The following KIAA1217 variants were observed in gnomAD, a reference collection of about 807,000 sequenced individuals.
The protein encoded by KIAA1217 is KIAA1217, also known as sickle tail protein homolog.
A neutral mutation model predicts 163.9 loss-of-function variants in KIAA1217; 88 were observed. The observed-to-expected ratio is 0.54, with a 90% confidence interval of 0.45 to 0.64. The LOEUF (loss-of-function observed/expected upper bound fraction) is 0.64, where lower values mean the gene tolerates loss of function less well. KIAA1217 is among the 30% of genes least tolerant of loss of function. KIAA1217 has a pLI of 0.00. For synonymous variants in KIAA1217, 903 were observed against 923.1 expected, an observed-to-expected ratio of 0.98 and a Z score of 0.39; for missense variants, 2,372 against 2,475.0, an observed-to-expected ratio of 0.96 and a Z score of 0.88.
intron 1 of KIAA1217, among the ~76,000 whole-genome samples, chr10:23,951,518 T>G (rs1844335580): frequency 6.6e-6 from 1 of 152,016 alleles, no homozygotes; most frequent in South Asian, 2.1e-4. Flanking sequence ...GCCAGCATGG[T>G]GGTGCACACC....
At position 24,475,841 on chromosome 10, in the gene KIAA1217, A is replaced by T. The variant is rs373144099; in HGVS notation, c.1679+1781A>T. Reference sequence around the variant, plus strand: ...CTGTGTTGCATACTTCACAGAAAGGATAACACACCTGTCCCCTTTGGCAGG... The same window carrying T: ...CTGTGTTGCATACTTCACAGAAAGGTTAACACACCTGTCCCCTTTGGCAGG... On this transcript the variant is annotated intron_variant, in intron 6 of 20. Coordinates refer to ENST00000376454, the MANE Select transcript of KIAA1217 (RefSeq NM_019590.5). Among the ~76,000 whole-genome samples, 27 of 152,334 alleles carry T rather than the reference A, an allele frequency of 1.8e-4. No homozygotes were observed. In the East Asian group the frequency reaches 4.4e-3, roughly 25 times the overall value.
rs981098500 is a variant in KIAA1217 at position 24,039,511 on chromosome 10, C to G, written c.-171+32137C>G. Among the ~76,000 whole-genome samples the G allele has an allele frequency of 2.0e-4, 30 of 152,208 alleles. 1 individual carries two copies. In the East Asian group the frequency reaches 3.3e-3, roughly 17 times the overall value. On this transcript the variant is annotated intron_variant, in intron 2 of 18. Transcript: ENST00000376462. ...ATTGAGAGGGTAAATGACAGATACT[C>G]TATAGTGTTTTGTGTGGCCAGACGG...
chr10:24,170,471 A>G (rs2131912109), intron 2 of KIAA1217, among the ~76,000 whole-genome samples: 1 of 152,300 alleles, frequency 6.6e-6, no homozygotes, highest in South Asian at 2.1e-4. Flanking sequence ...GCTGTGAAAT[A>G]TTGAGTCAGT....
chr10:23,911,667 A>G (rs935067365), intron 1 of KIAA1217, among the ~76,000 whole-genome samples: 1 of 152,188 alleles, frequency 6.6e-6, no homozygotes, highest in African/African-American at 2.4e-5. Context: ...GACTGGCATC[A>G]CCCAGTGGTT....
chr10:24,502,310 A>G (rs190085937), intron 9 of KIAA1217, among the ~76,000 whole-genome samples: 304 of 150,036 alleles, frequency 2.0e-3, no homozygotes, highest in Non-Finnish European at 2.2e-3. Context: ...TGAGTTTAGA[A>G]TAGAAGATGA....
At chr10:23,816,589 G>A (rs933641875) in intron 1 of KIAA1217, among the ~76,000 whole-genome samples, 1 of 152,160 alleles carries the variant, frequency 6.6e-6, no homozygotes, top group Non-Finnish European at 1.5e-5. Context: ...ATCACTTGAG[G>A]TCAGGAGTTC....
intron 1 of KIAA1217, among the ~76,000 whole-genome samples, chr10:23,987,508 T>C (rs1846031756): frequency 1.3e-5 from 2 of 152,202 alleles, no homozygotes; most frequent in Middle Eastern, 3.4e-3. Context: ...TTGACAAAAC[T>C]TATACATATT....
chr10:24,056,780 C>A (rs913566216), intron 2 of KIAA1217, among the ~76,000 whole-genome samples: 5 of 151,872 alleles, frequency 3.3e-5, no homozygotes, highest in African/African-American at 1.2e-4. Context: ...CATAAACTCC[C>A]AATATTAGAA....
At chr10:23,907,051 A>G (rs192062985) in intron 1 of KIAA1217, among the ~76,000 whole-genome samples, 1 of 152,180 alleles carries the variant, frequency 6.6e-6, no homozygotes, top group East Asian at 1.9e-4. Context: ...GCGTACAGTC[A>G]TTTATGGATT....
intron 5 of KIAA1217, among the ~76,000 whole-genome samples, chr10:24,455,607 C>A (rs1343114605): frequency 1.3e-5 from 2 of 152,186 alleles, no homozygotes; most frequent in African/African-American, 4.8e-5. Flanking sequence ...TCGGCTTCCT[C>A]TTCAGCAGCC....
chr10:23,862,392 A>G (rs1422304537), intron 1 of KIAA1217, among the ~76,000 whole-genome samples: 1 of 152,186 alleles, frequency 6.6e-6, no homozygotes, highest in African/African-American at 2.4e-5. Flanking sequence ...AGAGGGATCA[A>G]TGAAAGTTGT....
chr10:23,767,272 A>G lies in KIAA1217; in HGVS notation c.-321+72038A>G, dbSNP rs78916511. 3.3e-5 allele frequency among the ~76,000 whole-genome samples: 5 copies of G among 152,300 alleles called. No homozygotes were observed. In the East Asian group the frequency reaches 7.7e-4, roughly 24 times the overall value. On this transcript the variant is annotated intron_variant, in intron 1 of 18. Transcript: ENST00000376462. ...GGCTTTGCTCTGAAAGCTCTGGGGT[A>G]ACAGAAGGATTTCTCAAAGGAGAAT...
intron 1 of KIAA1217, among the ~76,000 whole-genome samples, chr10:23,897,117 A>T (rs1162678492): frequency 1.3e-5 from 2 of 152,070 alleles, no homozygotes; most frequent in Non-Finnish European, 2.9e-5. Context: ...GTTTATCAAG[A>T]TATATTTTAA....
intron 2 of KIAA1217, among the ~76,000 whole-genome samples, chr10:24,363,865 C>T (rs1358199201): frequency 2.0e-5 from 3 of 152,104 alleles, no homozygotes; most frequent in Non-Finnish European, 4.4e-5. Flanking sequence ...GGCCACCGCA[C>T]CAGGCCCATT....
chr10:24,334,757 A>G (rs879506859), intron 2 of KIAA1217, among the ~76,000 whole-genome samples: 9 of 152,208 alleles, frequency 5.9e-5, no homozygotes, highest in African/African-American at 1.7e-4. Flanking sequence ...TGCAAAATGA[A>G]TGATGGATGT....
chr10:23,919,570 C>G (rs1291947565), intron 1 of KIAA1217, among the ~76,000 whole-genome samples: 2 of 141,588 alleles, frequency 1.4e-5, no homozygotes, highest in East Asian at 2.1e-4. Flanking sequence ...TGTGCCACTG[C>G]ACTCCAGCCT....
At position 24,144,044 on chromosome 10, in the gene KIAA1217, A is replaced by G. The variant is rs542369117; in HGVS notation, c.-170-75582A>G. Among the ~76,000 whole-genome samples, 8 of 152,324 alleles carry G rather than the reference A, an allele frequency of 5.3e-5. No homozygotes were observed. In the South Asian group the frequency reaches 1.7e-3, roughly 32 times the overall value. On this transcript the variant is annotated intron_variant, in intron 2 of 18. Coordinates refer to the KIAA1217 transcript ENST00000376462. ...ATCTGCAGTATTAGACTGGACTTAA[A>G]TCTACAGAATCTAGATAGAAAAGTG...
chr10:24,417,302 G>A lies in KIAA1217; in HGVS notation c.554-15693G>A, dbSNP rs60950725. 9.6e-3 allele frequency among the ~76,000 whole-genome samples: 1,465 copies of A among 152,248 alleles called. 26 individuals are homozygous for A. Among genetic ancestry groups the A allele is most frequent in the African/African-American group, 0.034 (1,406 of 41,528 alleles). On this transcript the variant is annotated intron_variant, in intron 3 of 20. Transcript: ENST00000376454. ...CCTGCCTCACCCTCCCTGGCTGGCC[G>A]TATTTCCAACTTTGTTGCCTTCTTC...
At chr10:24,312,106 C>A (rs2042774630) in intron 2 of KIAA1217, among the ~76,000 whole-genome samples, 1 of 152,144 alleles carries the variant, frequency 6.6e-6, no homozygotes, top group African/African-American at 2.4e-5. Context: ...GGGCTTCCTC[C>A]TTCAGAGGAG....
Sources: allele counts gnomAD v4.1 joint callset (sites outside exome capture counted in the v4.1 genomes callset), GRCh38; gene constraint gnomAD v4.1.1; transcripts MANE v1.5; gene names NCBI Gene and HGNC (gene_info 2026-07-23, HGNC 2026-07-21).